FOXN3: variants seen among roughly 807,000 people sequenced by gnomAD.
FOXN3 encodes the protein forkhead box protein N3.
In FOXN3, 7 loss-of-function variants were observed where a neutral mutation model predicts 38.4. The observed-to-expected ratio is 0.18, with a 90% CI of 0.10 to 0.34. The LOEUF (loss-of-function observed/expected upper bound fraction) is 0.34. Among genes scored for constraint, FOXN3 ranks in the 10% least tolerant of loss-of-function variants. The pLI, the probability that FOXN3 is intolerant of heterozygous loss-of-function variation, is 1.00. For missense variants in FOXN3, 456 were observed against 613.4 expected, an observed-to-expected ratio of 0.74 and a Z score of 2.71; for synonymous variants, 230 against 242.2, an observed-to-expected ratio of 0.95 and a Z score of 0.47.
At chr14:89,495,039 G>A (rs546611087) in intron 1 of FOXN3, among the ~76,000 whole-genome samples, 2 of 152,142 alleles carry the variant, frequency 1.3e-5, no homozygotes, top group East Asian at 3.9e-4. Flanking sequence ...TGGTGCACTG[G>A]GCCACCTTCT....
chr14:89,607,559 A>T lies in FOXN3; in HGVS notation c.-15+11469T>A, dbSNP rs933941101. Among the ~76,000 whole-genome samples the T allele has an allele frequency of 7.1e-3, 906 of 127,630 alleles. 15 individuals carry two copies. Among genetic ancestry groups the T allele is most frequent in the African/African-American group, 0.026 (882 of 33,554 alleles). The allele number at this position is 127,630 out of a possible 152,430, so 83.7% of individuals were successfully genotyped here. A position where few individuals can be genotyped will look rare whatever the true frequency, so the allele number is the denominator to read the frequency against. ...AGACGACAGAGCAAGACCGTGTCTT[A>T]AAAAAAAAAAAAAAAAAGGACTCAA... On this transcript the variant is annotated intron_variant, in intron 1 of 6. Coordinates refer to the FOXN3 transcript ENST00000345097.
At chr14:89,379,088 T>C (rs934590515) in intron 2 of FOXN3, among the ~76,000 whole-genome samples, 1 of 152,140 alleles carries the variant, frequency 6.6e-6, no homozygotes, top group African/African-American at 2.4e-5. Flanking sequence ...TAGAAAGGGT[T>C]TTCGTGATAC....
chr14:89,175,342 C>T (rs897070530), intron 5 of FOXN3, among the ~76,000 whole-genome samples: 5 of 152,282 alleles, frequency 3.3e-5, no homozygotes, highest in East Asian at 3.9e-4. Context: ...ATGGCCAGCA[C>T]TCTTCAAAGC....
chr14:89,598,533 C>T (rs1896101752), intron 1 of FOXN3, among the ~76,000 whole-genome samples: 3 of 152,182 alleles, frequency 2.0e-5, no homozygotes, highest in Non-Finnish European at 2.9e-5. Context: ...GATCCTCTCA[C>T]GTCAGCCTCC....
At chr14:89,485,465 C>A (rs941599790) in intron 1 of FOXN3, among the ~76,000 whole-genome samples, 38 of 152,204 alleles carry the variant, frequency 2.5e-4, no homozygotes, top group African/African-American at 9.2e-4. Flanking sequence ...ACTGACCTCA[C>A]AGAGCTCATC....
intron 2 of FOXN3, among the ~76,000 whole-genome samples, chr14:89,358,156 G>A (rs1889311208): frequency 6.6e-6 from 1 of 152,136 alleles, no homozygotes; most frequent in Non-Finnish European, 1.5e-5. Context: ...ACCCAACTCT[G>A]CCATCATAGC....
intron 1 of FOXN3, among the ~76,000 whole-genome samples, chr14:89,542,127 A>C (rs1894801787): frequency 6.6e-6 from 1 of 152,170 alleles, no homozygotes. Flanking sequence ...TAAGAGGAGG[A>C]ACGCATCCAC....
At chr14:89,246,872 T>C (rs1479253534) in intron 4 of FOXN3, among the ~76,000 whole-genome samples, 1 of 152,210 alleles carries the variant, frequency 6.6e-6, no homozygotes, top group Middle Eastern at 3.4e-3. Context: ...AAAGAGAGCA[T>C]GACAAGACGG....
chr14:89,293,004 C>T (rs779800701), intron 3 of FOXN3, among the ~76,000 whole-genome samples: 1 of 152,232 alleles, frequency 6.6e-6, no homozygotes, highest in Non-Finnish European at 1.5e-5. Context: ...GCCGGACAGT[C>T]GGCTAGCTCT....
intron 2 of FOXN3, among the ~76,000 whole-genome samples, chr14:89,386,968 T>TG (rs912944052): frequency 6.6e-6 from 1 of 151,904 alleles, no homozygotes; most frequent in Non-Finnish European, 1.5e-5. Flanking sequence ...ACATATAAAT[T>TG]GGGGGGTGCC....
chr14:89,186,881 G>T (rs994156785), intron 4 of FOXN3, among the ~76,000 whole-genome samples: 2 of 152,214 alleles, frequency 1.3e-5, no homozygotes, highest in African/African-American at 4.8e-5. Context: ...GACATGGTGT[G>T]CTGGGCTCCC....
intron 1 of FOXN3, among the ~76,000 whole-genome samples, chr14:89,487,976 C>A (rs571941080): frequency 6.6e-6 from 1 of 152,142 alleles, no homozygotes; most frequent in Admixed American, 6.5e-5. Context: ...AGCGTGAGGG[C>A]TATTCGGGGG....
At chr14:89,417,600 TGGC>T (rs2140103425), upstream of FOXN3, 1 of 404,822 alleles carries the variant, frequency 2.5e-6, no homozygotes, top group Non-Finnish European at 5.1e-6. Context: ...GCTGCGCTGC[TGGC>T]AACGTGTCGC....
intron 3 of FOXN3, among the ~76,000 whole-genome samples, chr14:89,303,496 T>TAAAA (rs35251843): frequency 8.7e-6 from 1 of 114,918 alleles, no homozygotes. Flanking sequence ...AAACATCTGC[T>TAAAA]AAAAAAAAAA....
chr14:89,586,010 C>G (rs1236026904), intron 1 of FOXN3, among the ~76,000 whole-genome samples: 1 of 151,946 alleles, frequency 6.6e-6, no homozygotes, highest in Non-Finnish European at 1.5e-5. Context: ...GATCGTAGCC[C>G]ATCTCACTAC....
In FOXN3 at chr14:89,546,339, T is replaced by TTTTTTTC. The variant is rs1894884095; in HGVS notation, c.-15+72688_-15+72689insGAAAAAA. On this transcript the variant is annotated intron_variant, in intron 1 of 6. Transcript: ENST00000345097. ...TCTTTTTTCCTTTTTCTTTTTTTTT[T>TTTTTTTC]TTTTTTTTTGAGATGGAGTCTCGCT... 3.4e-5 allele frequency among the ~76,000 whole-genome samples: 3 copies of TTTTTTTC among 87,516 alleles called. No individual in the cohort carries two copies. In the South Asian group the frequency reaches 1.5e-3, roughly 43 times the overall value. The allele number at this position is 87,516 out of a possible 152,430, so 57.4% of individuals were successfully genotyped here.
chr14:89,216,541 C>G (rs1324754466), intron 4 of FOXN3, among the ~76,000 whole-genome samples: 5 of 152,160 alleles, frequency 3.3e-5, no homozygotes, highest in African/African-American at 1.2e-4. Context: ...CTATCCCACT[C>G]TCCTCATGGG....
At chr14:89,173,129 C>T (rs1481080105) in intron 5 of FOXN3, among the ~76,000 whole-genome samples, 2 of 151,978 alleles carry the variant, frequency 1.3e-5, no homozygotes, top group African/African-American at 4.8e-5. Flanking sequence ...AAAGGGAACC[C>T]AGTAGAAAAA....
intron 1 of FOXN3, among the ~76,000 whole-genome samples, chr14:89,587,057 T>C (rs1358786814): frequency 6.6e-6 from 1 of 152,202 alleles, no homozygotes; most frequent in Non-Finnish European, 1.5e-5. Flanking sequence ...CTCCAAAGGG[T>C]ACATTGGCAG....
Sources: allele counts gnomAD v4.1 joint callset (sites outside exome capture counted in the v4.1 genomes callset), GRCh38; gene constraint gnomAD v4.1.1; transcripts MANE v1.5; gene names NCBI Gene and HGNC (gene_info 2026-07-23, HGNC 2026-07-21).